Variants in POM121 observed in about 807,000 individuals in gnomAD.
POM121 encodes POM121 transmembrane nucleoporin.
POM121 carries 32 observed loss-of-function variants against 81.3 expected under a neutral mutation model. The observed-to-expected ratio is 0.39, with a 90% confidence interval of 0.30 to 0.53. The LOEUF is 0.53. Ranked by LOEUF, POM121 falls within the 20% of genes least tolerant of loss-of-function variation. The pLI, the probability that POM121 is intolerant of heterozygous loss-of-function variation, is 0.66. For missense variants in POM121, 1,138 were observed against 1,614.6 expected (o/e 0.70, Z 5.06); for synonymous variants, 514 against 694.2 (o/e 0.74, Z 4.08).
chr7:72,938,968 C>T (rs1485092997), intron 6 of POM121, among the ~76,000 whole-genome samples: 4 of 152,182 alleles, frequency 2.6e-5, no homozygotes, highest in Admixed American at 6.5e-5. Context: ...GTCAAGTCAG[C>T]GGGCAGTCGC....
chr7:72,939,451 G>T (rs200780190), intron 7 of POM121, 42 bp downstream of exon 7: 11 of 1,611,732 alleles, frequency 6.8e-6, no homozygotes, highest in Non-Finnish European at 9.3e-6. Flanking sequence ...GTTGGTGGTG[G>T]AGGTGTTTGT....
At chr7:72,895,641 C>T (rs535020489) in intron 3 of POM121, among the ~76,000 whole-genome samples, 42 of 152,214 alleles carry the variant, frequency 2.8e-4, no homozygotes, top group African/African-American at 9.9e-4. Context: ...TCATTTAGGC[C>T]GGGCGCAGTG....
chr7:72,915,443 T>C (rs782275535), intron 4 of POM121, among the ~76,000 whole-genome samples: 9 of 152,154 alleles, frequency 5.9e-5, no homozygotes, highest in Admixed American at 1.3e-4. Flanking sequence ...CGATCTCGGC[T>C]CCTCCTCCGC....
At chr7:72,934,836 A>G (rs1336669220) in intron 5 of POM121, among the ~76,000 whole-genome samples, 2 of 151,268 alleles carry the variant, frequency 1.3e-5, no homozygotes, top group Non-Finnish European at 2.9e-5. Flanking sequence ...GTGTCTGTAT[A>G]TATGTGGGTC....
upstream of POM121, among the ~76,000 whole-genome samples, chr7:72,921,635 C>T (rs1794825768): frequency 6.6e-6 from 1 of 152,196 alleles, no homozygotes; most frequent in Non-Finnish European, 1.5e-5. Context: ...CCAAGTTGTA[C>T]TGTTTTATAT....
Position 72,943,158 on chromosome 7 carries a change from C to G in POM121, c.3165C>G (p.Pro1055=). The G allele has an allele frequency of 1.2e-6, 2 of 1,613,444 alleles. No homozygotes were observed. The highest frequency in any genetic ancestry group is 1.7e-6 in the Non-Finnish European group (2 of 1,179,774). Reference sequence around the variant, plus strand: ...TCGGCGCTCCCGCCAGCTCACAGCCCGCCTTTGGCGGCTCCACTGCTGTCT... The same window carrying G: ...TCGGCGCTCCCGCCAGCTCACAGCCGGCCTTTGGCGGCTCCACTGCTGTCT... ...SAFGAPASSQ[P]AFGGSTAVFF... The change falls in exon 11 of 13, where the codon CCC becomes CCG. Residue 1055 remains proline, a synonymous_variant. Coordinates refer to ENST00000434423, the MANE Select transcript of POM121 (RefSeq NM_001387691.1).
chr7:72,950,214 T>C (rs1797966755), downstream of POM121: 5 of 1,608,730 alleles, frequency 3.1e-6, no homozygotes, highest in Non-Finnish European at 4.2e-6. Context: ...GGAAGAACCA[T>C]TCATTCATCA....
rs782729619 is a variant in POM121 at position 72,930,077 on chromosome 7, C to A, written c.1241C>A (p.Thr414Asn). Reference protein sequence around the residue: ...GIPSSSRNAITSSYSSTRGIS... With the variant: ...GIPSSSRNAINSSYSSTRGIS... ...CCTAGCTCCAGCCGCAATGCCATTA[C>A]CAGTTCCTACAGCTCCACTCGAGGC... is the stretch of plus-strand genomic sequence containing the variant. The change falls in exon 5 of 13, where the codon ACC becomes AAC. Residue 414 changes from threonine to asparagine, a missense_variant. Coordinates refer to ENST00000434423, the MANE Select transcript of POM121 (RefSeq NM_001387691.1). The A allele has an allele frequency of 6.2e-7, 1 of 1,613,830 alleles. No homozygotes were observed.
intron 3 of POM121, among the ~76,000 whole-genome samples, chr7:72,899,824 C>T (rs1358395321): frequency 1.3e-5 from 2 of 152,018 alleles, no homozygotes; most frequent in Non-Finnish European, 2.9e-5. Context: ...CGTGATCCAC[C>T]CACCTCGGCC....
At chr7:72,902,607 C>A (rs1554492857) in intron 3 of POM121, among the ~76,000 whole-genome samples, 1 of 152,078 alleles carries the variant, frequency 6.6e-6, no homozygotes, top group African/African-American at 2.4e-5. Flanking sequence ...TGGCTCACTG[C>A]AGGCTTGACT....
chr7:72,893,817 G>A (rs1379832313), intron 3 of POM121, among the ~76,000 whole-genome samples: 3 of 152,038 alleles, frequency 2.0e-5, no homozygotes, highest in Admixed American at 1.3e-4. Flanking sequence ...CGCTCCCTTG[G>A]GTCCCAGGAT....
chr7:72,950,053 C>T, downstream of POM121: 5 of 1,555,416 alleles, frequency 3.2e-6, no homozygotes, highest in Non-Finnish European at 4.4e-6. Context: ...ATTCCTCTTG[C>T]CTACCCTGTC....
intron 11 of POM121, 48 bp from the exon 12 acceptor site, chr7:72,945,538 G>T: frequency 6.2e-7 from 1 of 1,607,708 alleles, no homozygotes; most frequent in Non-Finnish European, 8.5e-7. Context: ...CTCCTCGCTT[G>T]CCTCTGCCCT....
chr7:72,908,796 G>C (rs1793530655), intron 3 of POM121, among the ~76,000 whole-genome samples: 1 of 152,132 alleles, frequency 6.6e-6, no homozygotes, highest in Non-Finnish European at 1.5e-5. Context: ...GTTCCACCCA[G>C]CTCTCAGGCA....
chr7:72,890,766 T>G, intron 2 of POM121: 1 of 1,599,244 alleles, frequency 6.3e-7, no homozygotes, highest in Non-Finnish European at 8.5e-7. Flanking sequence ...GAGGATAGCT[T>G]GCTTTCTGAA....
rs1474513766 is a variant in POM121, at chr7:72,939,508, G to C, written c.1441+99G>C. The C allele has an allele frequency of 2.0e-6, 3 of 1,508,794 alleles. No homozygotes were observed. The East Asian group carries it at 7.0e-5, about 35-fold the overall frequency. 93.5% of individuals were successfully genotyped at this position (1,508,794 alleles called of 1,614,324 possible). A position where few individuals can be genotyped will look rare whatever the true frequency, so the allele number is the denominator to read the frequency against. On this transcript the variant is annotated intron_variant, in intron 7 of 12. Coordinates refer to ENST00000434423, the MANE Select transcript of POM121 (RefSeq NM_001387691.1). ...CTATTGAAAAAAGGTCTTGAGCATTGCTATGTCTAAGGCATGTTAGATACA... is the reference window on the plus strand; with the variant it reads ...CTATTGAAAAAAGGTCTTGAGCATTCCTATGTCTAAGGCATGTTAGATACA...
At chr7:72,894,638 AG>A (rs1791706688) in intron 3 of POM121, among the ~76,000 whole-genome samples, 3 of 104,358 alleles carry the variant, frequency 2.9e-5, no homozygotes, top group Non-Finnish European at 6.1e-5. Flanking sequence ...AGAGAGAGAG[AG>A]AGAGAGAGAG....
At chr7:72,944,798 G>C (rs1294383786) in intron 11 of POM121, among the ~76,000 whole-genome samples, 1 of 151,974 alleles carries the variant, frequency 6.6e-6, no homozygotes, top group African/African-American at 2.4e-5. Context: ...GGGTCGGGGA[G>C]AGGAGGTCAT....
Position 72,909,705 on chromosome 7 carries a change from A to G in POM121, c.-215-4060A>G, listed in dbSNP as rs569967883. Among the ~76,000 whole-genome samples, 5 of 152,108 alleles carry G rather than the reference A, an allele frequency of 3.3e-5. No homozygotes were observed. The South Asian group carries it at 6.2e-4, about 19-fold the overall frequency. ...GCTCTGTTGCCCTGGCTGGAGTGCA[A>G]TGGCCCAGTCATAGCTCACTGCAGC... On this transcript the variant is annotated intron_variant, in intron 3 of 15. Coordinates refer to the POM121 transcript ENST00000395270.
Sources: allele counts gnomAD v4.1 joint callset (sites outside exome capture counted in the v4.1 genomes callset), GRCh38; gene constraint gnomAD v4.1.1; transcripts MANE v1.5; gene names NCBI Gene and HGNC (gene_info 2026-07-23, HGNC 2026-07-21).